The following PCDHGA6 variants were observed in gnomAD, a reference collection of about 807,000 sequenced individuals.
PCDHGA6 encodes the protein protocadherin gamma-A6.
A neutral mutation model predicts 60.6 loss-of-function variants in PCDHGA6; 41 were observed. That is an observed-to-expected ratio of 0.68 (90% confidence interval 0.53 to 0.88). PCDHGA6 has a LOEUF of 0.88. PCDHGA6 is among the 40% of genes least tolerant of loss of function. The pLI, the probability that PCDHGA6 is intolerant of heterozygous loss-of-function variation, is 0.00. For missense variants in PCDHGA6, 1,312 were observed against 1,203.0 expected, an observed-to-expected ratio of 1.09 and a Z score of -1.34; for synonymous variants, 594 against 524.4, an observed-to-expected ratio of 1.13 and a Z score of -1.81.
In PCDHGA6 at chr5:141,477,629, C is replaced by A. The variant is rs1191573380; in HGVS notation, c.2425-17178C>A. The A allele has an allele frequency of 6.2e-7, 1 of 1,614,040 alleles. No individual in the cohort carries two copies. The highest frequency in any genetic ancestry group is 8.5e-7 in the Non-Finnish European group (1 of 1,180,040). ...CTTGGAGCAAGGAGCTGAAACCGGGCTAGTGGGTCGCTATTTCACAATAAA... is the reference window on the plus strand; with the variant it reads ...CTTGGAGCAAGGAGCTGAAACCGGGATAGTGGGTCGCTATTTCACAATAAA... On this transcript the variant is annotated intron_variant, in intron 1 of 3. Coordinates refer to ENST00000517434, the MANE Select transcript of PCDHGA6 (RefSeq NM_018919.3). The surrounding 1 kb of genome is among the most constrained non-coding windows in gnomAD (Gnocchi z 4.9).
Position 141,489,169 on chromosome 5 carries a change from C to T in PCDHGA6, c.2425-5638C>T. On this transcript the variant is annotated intron_variant, in intron 1 of 3. Coordinates refer to ENST00000517434, the MANE Select transcript of PCDHGA6 (RefSeq NM_018919.3). This position sits in a 1 kb window ranked among gnomAD's most constrained non-coding sequence, Gnocchi z 4.5. ...GAGACATAAGAGACTTCAGCTGCTG[C>T]ATTCCAAGCCCTGGGTCTACCTTGG... 3 of 1,124,648 alleles carry T rather than the reference C, an allele frequency of 2.7e-6. No individual in the cohort carries two copies. The highest frequency in any genetic ancestry group is 3.8e-6 in the Non-Finnish European group (3 of 783,910). The allele number at this position is 1,124,648 out of a possible 1,614,324, so 69.7% of individuals were successfully genotyped here. A position where few individuals can be genotyped will look rare whatever the true frequency, so the allele number is the denominator to read the frequency against.
chr5:141,468,230 TAGG>T (rs1451844939), intron 1 of PCDHGA6, among the ~76,000 whole-genome samples: 9 of 141,220 alleles, frequency 6.4e-5, no homozygotes, highest in South Asian at 2.2e-4. Context: ...GAGGATGAGG[TAGG>T]AGAATTGCCT....
intron 1 of PCDHGA6, chr5:141,395,163 G>T: frequency 6.2e-7 from 1 of 1,614,160 alleles, no homozygotes; most frequent in Non-Finnish European, 8.5e-7. Context: ...CAGTCAGGAG[G>T]GCTGTGAGAA....
chr5:141,427,658 C>A, intron 1 of PCDHGA6: 2 of 738,894 alleles, frequency 2.7e-6, no homozygotes, highest in Non-Finnish European at 4.8e-6. Context: ...ACGTGGTCCA[C>A]GTGGCCGAAA....
intron 2 of PCDHGA6, among the ~76,000 whole-genome samples, chr5:141,503,638 T>C (rs1467962880): frequency 1.3e-5 from 2 of 151,908 alleles, no homozygotes; most frequent in Non-Finnish European, 2.9e-5. Flanking sequence ...AAATAATTAT[T>C]GAATCAATGG....
intron 1 of PCDHGA6, among the ~76,000 whole-genome samples, chr5:141,467,903 C>G (rs1256664266): frequency 6.6e-6 from 1 of 152,156 alleles, no homozygotes. Context: ...AAGAAATCCG[C>G]CCACCTCAGC....
intron 1 of PCDHGA6, among the ~76,000 whole-genome samples, chr5:141,434,021 C>A (rs1023145172): frequency 2.0e-5 from 3 of 152,052 alleles, no homozygotes; most frequent in Admixed American, 2.0e-4. Context: ...TTCTATGATT[C>A]TGGAAGCATG....
intron 1 of PCDHGA6, chr5:141,415,377 C>A: frequency 1.2e-6 from 2 of 1,614,236 alleles, no homozygotes; most frequent in Non-Finnish European, 1.7e-6. Flanking sequence ...CTTCAGGAGG[C>A]GGCTTGACAG....
chr5:141,499,721 G>GTC (rs1434016871), intron 2 of PCDHGA6, among the ~76,000 whole-genome samples: 69 of 135,416 alleles, frequency 5.1e-4, no homozygotes, highest in African/African-American at 1.9e-3. Flanking sequence ...TGGAGACAGA[G>GTC]TCTCACTCTC....
intron 1 of PCDHGA6, among the ~76,000 whole-genome samples, chr5:141,402,245 A>G (rs1196349685): frequency 6.6e-6 from 1 of 152,078 alleles, no homozygotes; most frequent in East Asian, 1.9e-4. Flanking sequence ...TTTATCATCA[A>G]AATAAACCCC....
chr5:141,491,168 A>G lies in PCDHGA6; in HGVS notation c.2425-3639A>G. On this transcript the variant is annotated intron_variant, in intron 1 of 3. Coordinates refer to ENST00000517434, the MANE Select transcript of PCDHGA6 (RefSeq NM_018919.3). The surrounding 1 kb of genome is among the most constrained non-coding windows in gnomAD (Gnocchi z 6.9). Reference sequence around the variant, plus strand: ...CTGGAGGATGACTCTGACACCCAGCAGGTGGTGGTCCTGGTGAGGGACAAT... The same window carrying G: ...CTGGAGGATGACTCTGACACCCAGCGGGTGGTGGTCCTGGTGAGGGACAAT... 2 of 1,614,160 alleles carry G rather than the reference A, an allele frequency of 1.2e-6. No homozygotes were observed.
intron 1 of PCDHGA6, chr5:141,398,815 A>G (rs1369560562): frequency 6.2e-7 from 1 of 1,613,870 alleles, no homozygotes; most frequent in East Asian, 2.2e-5. Context: ...TGAGCTCCGG[A>G]TCCAGGTAAC....
At chr5:141,443,317 C>CAA (rs35054295) in intron 1 of PCDHGA6, among the ~76,000 whole-genome samples, 2,546 of 141,926 alleles carry the variant, frequency 0.018, 55 homozygotes, top group African/African-American at 0.052. Flanking sequence ...CCCATCTCTA[C>CAA]AAAAAAAAAA....
rs148558897 is a variant in PCDHGA6, at chr5:141,489,890, G to A, written c.2425-4917G>A. On this transcript the variant is annotated intron_variant, in intron 1 of 3. Coordinates refer to ENST00000517434, the MANE Select transcript of PCDHGA6 (RefSeq NM_018919.3). The surrounding 1 kb of genome is among the most constrained non-coding windows in gnomAD (Gnocchi z 4.5). Reference sequence around the variant, plus strand: ...CAGCTGGTGCTTACTGCTGTGGATGGGGGGACCCCAGCCCGCTCAGGGACC... The same window carrying A: ...CAGCTGGTGCTTACTGCTGTGGATGAGGGGACCCCAGCCCGCTCAGGGACC... 6.2e-7 allele frequency: 1 copy of A among 1,614,198 alleles called. No homozygotes were observed. The highest frequency in any genetic ancestry group is 8.5e-7 in the Non-Finnish European group (1 of 1,180,028).
rs1029080327 is a variant in PCDHGA6 at position 141,512,737 on chromosome 5, G to C, written c.*1564G>C. 6.5e-5 allele frequency: 10 copies of C among 152,868 alleles called. No individual in the cohort carries two copies. The highest frequency in any genetic ancestry group is 2.4e-4 in the African/African-American group (10 of 41,472). 9.5% of individuals were successfully genotyped at this position (152,868 alleles called of 1,614,324 possible). On this transcript the variant is annotated 3_prime_UTR_variant, in exon 4 of 4. Transcript: ENST00000517434. Reference sequence around the variant, plus strand: ...ATGGCGGGTGGGCAGCGGGCGGCGGGCTCCGCGCAGCCGTCTGTCCTTGAT... The same window carrying C: ...ATGGCGGGTGGGCAGCGGGCGGCGGCCTCCGCGCAGCCGTCTGTCCTTGAT...
chr5:141,400,051 G>T, intron 1 of PCDHGA6: 1 of 1,613,762 alleles, frequency 6.2e-7, no homozygotes. Context: ...GCTGGTTGCT[G>T]TGCGTGATGG....
At position 141,376,446 on chromosome 5, in the gene PCDHGA6, GC is replaced by G. The variant is rs1772699263; in HGVS notation, c.2364del (p.Ser788ArgfsTer5). 6.2e-7 allele frequency: 1 copy of G among 1,614,074 alleles called. No homozygotes were observed. ...ATCAACCAGGAGAGCTATGAGAAAAGCGAGCCTCTTCTGATAACTCAGGATT... is the reference window on the plus strand; with the variant it reads ...ATCAACCAGGAGAGCTATGAGAAAAGGAGCCTCTTCTGATAACTCAGGATT... ...TLINQESYEK[S>X]EPLLITQDLL... On this transcript the variant is annotated frameshift_variant, in exon 1 of 4. Transcript: ENST00000517434. LOFTEE classifies it high-confidence loss of function.
intron 1 of PCDHGA6, chr5:141,478,925 G>T: frequency 1.4e-6 from 1 of 700,562 alleles, no homozygotes; most frequent in Non-Finnish European, 2.2e-6. Context: ...TCTAACCAGT[G>T]GCAGCTTCTA....
In PCDHGA6 at chr5:141,477,176, G is replaced by C. The variant is rs766547728; in HGVS notation, c.2425-17631G>C. On this transcript the variant is annotated intron_variant, in intron 1 of 3. Coordinates refer to ENST00000517434, the MANE Select transcript of PCDHGA6 (RefSeq NM_018919.3). This position sits in a 1 kb window ranked among gnomAD's most constrained non-coding sequence, Gnocchi z 4.9. ...GAATGACAACGCCCCGGAGATCACAGTCACCTCCGTGTACAGCCCAGTACC... is the reference window on the plus strand; with the variant it reads ...GAATGACAACGCCCCGGAGATCACACTCACCTCCGTGTACAGCCCAGTACC... The C allele has an allele frequency of 1.2e-6, 2 of 1,614,206 alleles. No individual in the cohort carries two copies. The highest frequency in any genetic ancestry group is 3.3e-5 in the Admixed American group (2 of 60,024).
Sources: allele counts gnomAD v4.1 joint callset (sites outside exome capture counted in the v4.1 genomes callset), GRCh38; gene constraint gnomAD v4.1.1; non-coding constraint Gnocchi (gnomAD v3.1); transcripts MANE v1.5; gene names NCBI Gene and HGNC (gene_info 2026-07-23, HGNC 2026-07-21).